ESM1: variants seen among roughly 807,000 people sequenced by gnomAD.
The protein encoded by ESM1 is endothelial cell specific molecule 1.
In ESM1, 7 loss-of-function variants were observed where a neutral mutation model predicts 14.9. The observed-to-expected ratio is 0.47, with a 90% CI of 0.27 to 0.88. The LOEUF is 0.88. Among genes scored for constraint, ESM1 ranks in the 40% least tolerant of loss-of-function variants. The pLI is 0.14. For synonymous variants in ESM1, 89 were observed against 89.4 expected (o/e 1.00, Z 0.02); for missense variants, 192 against 237.9 (o/e 0.81, Z 1.27).
intron 1 of ESM1, among the ~76,000 whole-genome samples, chr5:54,983,785 G>A (rs997141049): frequency 1.3e-5 from 2 of 152,168 alleles, no homozygotes; most frequent in African/African-American, 4.8e-5. Flanking sequence ...CATATGTAAT[G>A]TACATTTACA....
At chr5:54,981,225 A>G (rs1744045741) in intron 2 of ESM1, among the ~76,000 whole-genome samples, 2 of 152,196 alleles carry the variant, frequency 1.3e-5, no homozygotes, top group African/African-American at 4.8e-5. Context: ...TACAATCGCC[A>G]TTCTGTGCAA....
chr5:54,983,649 T>C (rs1740443133), intron 1 of ESM1, among the ~76,000 whole-genome samples: 1 of 152,230 alleles, frequency 6.6e-6, no homozygotes. Context: ...TGCTTAAAAC[T>C]AGATTCATCA....
intron 1 of ESM1, among the ~76,000 whole-genome samples, 184 bp downstream of exon 1, chr5:54,985,033 G>C (rs1419964002): frequency 6.6e-6 from 1 of 152,166 alleles, no homozygotes; most frequent in African/African-American, 2.4e-5. Flanking sequence ...CTGCACACTG[G>C]TTTCAGTTGC....
At position 54,985,225 on chromosome 5, in the gene ESM1, A is replaced by T; in HGVS notation, c.293T>A (p.Ile98Asn). ...GEDPFGEEFG[I>N]CKDCPYGTFG... ...AAGGGGTCACTCTTTACCTTTGCAG[A>T]TACCAAACTCTTCACCAAAAGGATC... The change falls in exon 1 of 3, where the codon ATC (isoleucine) becomes AAC (asparagine). Residue 98 changes from isoleucine to asparagine, a missense_variant. Physicochemically the swap from Ile to Asn is moderately radical, Grantham distance 149. Transcript: ENST00000381405. 1 of 1,610,138 alleles carries T rather than the reference A, an allele frequency of 6.2e-7. No individual in the cohort carries two copies. The highest frequency in any genetic ancestry group is 8.5e-7 in the Non-Finnish European group (1 of 1,177,210).
rs1390097295 is a variant in ESM1 at position 54,977,873 on chromosome 5, T to A, written c.*1459A>T. 6.6e-6 allele frequency: 1 copy of A among 152,246 alleles called. No individual in the cohort carries two copies. Among genetic ancestry groups the A allele is most frequent in the East Asian group, 1.9e-4 (1 of 5,200 alleles). 9.4% of individuals were successfully genotyped at this position (152,246 alleles called of 1,614,324 possible). ...CAAATCAACACAGAGAAGCTGTATC[T>A]TGTTCTTTTTTATTGAACAATAATA... On this transcript the variant is annotated 3_prime_UTR_variant, in exon 3 of 3. Coordinates refer to ENST00000381405, the MANE Select transcript of ESM1 (RefSeq NM_007036.5).
intron 1 of ESM1, among the ~76,000 whole-genome samples, chr5:54,982,522 A>T (rs944248326): frequency 6.6e-6 from 1 of 152,206 alleles, no homozygotes; most frequent in Non-Finnish European, 1.5e-5. Flanking sequence ...ACATATATGC[A>T]TCAGCTCCTC....
chr5:54,980,609 C>T (rs950309157), intron 2 of ESM1, among the ~76,000 whole-genome samples: 3 of 152,138 alleles, frequency 2.0e-5, no homozygotes, highest in African/African-American at 7.2e-5. Flanking sequence ...AGGAAATACC[C>T]TAGGTCAGAA....
chr5:54,985,161 T>C lies in ESM1; in HGVS notation c.301+56A>G. 2 of 1,504,490 alleles carry C rather than the reference T, an allele frequency of 1.3e-6. 1 individual carries two copies. The highest frequency in any genetic ancestry group is 2.6e-5 in the South Asian group (2 of 76,292). 93.2% of individuals were successfully genotyped at this position (1,504,490 alleles called of 1,614,324 possible). A position where few individuals can be genotyped will look rare whatever the true frequency, so the allele number is the denominator to read the frequency against. On this transcript the variant is annotated intron_variant, in intron 1 of 2. Transcript: ENST00000381405. ...AGCAAAGCCACCTCACCTCCCAAGC[T>C]GGCTAAAAGCTCTCAGCATGCCCCG...
intron 2 of ESM1, among the ~76,000 whole-genome samples, chr5:54,981,647 G>C (rs1226131669): frequency 6.6e-6 from 1 of 152,150 alleles, no homozygotes; most frequent in Admixed American, 6.5e-5. Flanking sequence ...GTTTTGTCTA[G>C]TAAATATATA....
Position 54,979,236 on chromosome 5 carries a change from A to G in ESM1, c.*96T>C. On this transcript the variant is annotated 3_prime_UTR_variant, in exon 3 of 3. Coordinates refer to ENST00000381405, the MANE Select transcript of ESM1 (RefSeq NM_007036.5). ...ATCACATTTGGTCTTCAAAAATTAC[A>G]TGTCCTTATGCTATAATCTAGAAAG... is the stretch of plus-strand genomic sequence containing the variant. The G allele has an allele frequency of 1.1e-6, 1 of 881,308 alleles. No individual in the cohort carries two copies. The highest frequency in any genetic ancestry group is 1.5e-5 in the South Asian group (1 of 65,426). 54.6% of individuals were successfully genotyped at this position (881,308 alleles called of 1,614,324 possible). A position where few individuals can be genotyped will look rare whatever the true frequency, so the allele number is the denominator to read the frequency against.
chr5:54,979,554 C>A, intron 2 of ESM1, 119 bp from the exon 3 acceptor site: 1 of 695,672 alleles, frequency 1.4e-6, no homozygotes, highest in Non-Finnish European at 2.5e-6. Context: ...ATTTAAGATT[C>A]CATGCTAACT....
rs1744002655 is a variant in ESM1, at chr5:54,979,261, G to A, written c.*71C>T. 1 of 1,107,148 alleles carries A rather than the reference G, an allele frequency of 9.0e-7. No individual in the cohort carries two copies. Among genetic ancestry groups the A allele is most frequent in the Non-Finnish European group, 1.4e-6 (1 of 726,436 alleles). 68.6% of individuals were successfully genotyped at this position (1,107,148 alleles called of 1,614,324 possible). A position where few individuals can be genotyped will look rare whatever the true frequency, so the allele number is the denominator to read the frequency against. ...ATGTCCTTATGCTATAATCTAGAAA[G>A]TTCCTAAAATGTTGGCTGTGTGTTG... On this transcript the variant is annotated 3_prime_UTR_variant, in exon 3 of 3. Coordinates refer to ENST00000381405, the MANE Select transcript of ESM1 (RefSeq NM_007036.5).
rs1215909440 is a variant in ESM1 at position 54,983,912 on chromosome 5, C to T, written c.301+1305G>A. ...CTCCCTAATTTCCTTATGTGAAGTA[C>T]TGTTTTCTTGGTCAATAAGCCCCAT... On this transcript the variant is annotated intron_variant, in intron 1 of 2. Transcript: ENST00000381405. 5.9e-5 allele frequency among the ~76,000 whole-genome samples: 9 copies of T among 152,314 alleles called. No homozygotes were observed. The East Asian group carries it at 1.5e-3, about 26-fold the overall frequency.
At chr5:54,979,554 C>T (rs113805621) in intron 2 of ESM1, 119 bp from the exon 3 acceptor site, 29 of 695,670 alleles carry the variant, frequency 4.2e-5, no homozygotes, top group African/African-American at 3.5e-4. Context: ...ATTTAAGATT[C>T]CATGCTAACT....
chr5:54,985,443 C>G lies in ESM1; in HGVS notation c.75G>C (p.Ala25=). The G allele has an allele frequency of 6.2e-7, 1 of 1,613,300 alleles. No individual in the cohort carries two copies. Among genetic ancestry groups the G allele is most frequent in the Non-Finnish European group, 8.5e-7 (1 of 1,179,362 alleles). ...HLVAAWSNNY[A]VDCPQHCDSS... ...TGTCACAGTGTTGAGGGCAGTCCAC[C>G]GCATAATTATTGCTCCAGGCGGCCA... The change falls in exon 1 of 3, where the codon GCG becomes GCC. Residue 25 remains alanine, a synonymous_variant. Transcript: ENST00000381405.
intron 1 of ESM1, among the ~76,000 whole-genome samples, chr5:54,983,339 A>T (rs1442075534): frequency 1.3e-5 from 2 of 152,224 alleles, no homozygotes; most frequent in African/African-American, 4.8e-5. Context: ...GCGATATTGA[A>T]AACTAAAACT....
At chr5:54,979,527 A>C in intron 2 of ESM1, 92 bp from the exon 3 acceptor site, 2 of 842,984 alleles carry the variant, frequency 2.4e-6, no homozygotes, top group East Asian at 4.9e-5. Flanking sequence ...TGGAATTTAC[A>C]ATGAAATCTT....
At chr5:54,979,868 A>G (rs767257849) in intron 2 of ESM1, among the ~76,000 whole-genome samples, 19 of 152,196 alleles carry the variant, frequency 1.2e-4, no homozygotes, top group Non-Finnish European at 1.9e-4. Flanking sequence ...ACTAACTGGT[A>G]TGAAAGACAG....
chr5:54,985,506 G>A lies in ESM1; in HGVS notation c.12C>T (p.Val4=). The change falls in exon 1 of 3, where the codon GTC becomes GTT. Residue 4 remains valine (V), a synonymous_variant. Coordinates refer to ENST00000381405, the MANE Select transcript of ESM1 (RefSeq NM_007036.5). MKS[V]LLLTTLLVPA... ...GCACGAGGAGCGTGGTCAGCAGCAAGACGCTCTTCATGTTTCCCAGCTGCC... is the reference window on the plus strand; with the variant it reads ...GCACGAGGAGCGTGGTCAGCAGCAAAACGCTCTTCATGTTTCCCAGCTGCC... 6.3e-7 allele frequency: 1 copy of A among 1,595,302 alleles called. No individual in the cohort carries two copies. The highest frequency in any genetic ancestry group is 8.6e-7 in the Non-Finnish European group (1 of 1,165,856).
Sources: gnomAD v4.1 joint callset for allele counts (sites outside exome capture counted in the v4.1 genomes callset) on GRCh38, gnomAD v4.1.1 for gene constraint, MANE v1.5 for transcripts, NCBI Gene and HGNC (gene_info 2026-07-23, HGNC 2026-07-21) for gene names.